BMERB1: variants seen among roughly 807,000 people sequenced by gnomAD.
The protein encoded by BMERB1 is bMERB domain containing 1, also known as bMERB domain-containing protein 1.
BMERB1 carries 12 observed loss-of-function variants against 23.6 expected under a neutral mutation model. That is an observed-to-expected ratio of 0.51 (90% confidence interval 0.33 to 0.82). BMERB1 has a LOEUF of 0.82. BMERB1 is among the 40% of genes least tolerant of loss of function. The probability of loss-of-function intolerance (pLI) is 0.03; values close to 1 mark genes in which losing one functional copy is unlikely to be tolerated. For missense variants in BMERB1, 247 were observed against 255.4 expected (o/e 0.97, Z 0.22); for synonymous variants, 122 against 96.6 (o/e 1.26, Z -1.54).
At chr16:15,453,859 G>T (rs2051062994) in intron 1 of BMERB1, among the ~76,000 whole-genome samples, 1 of 152,152 alleles carries the variant, frequency 6.6e-6, no homozygotes, top group Non-Finnish European at 1.5e-5. Flanking sequence ...GGGTGACAGA[G>T]CTAACTCTGT....
At chr16:15,515,102 A>G (rs981184701) in intron 1 of BMERB1, among the ~76,000 whole-genome samples, 2 of 152,142 alleles carry the variant, frequency 1.3e-5, no homozygotes, top group Non-Finnish European at 2.9e-5. Context: ...AAAACAAAGC[A>G]AACGAAGTAA....
chr16:15,501,567 C>G (rs2051530903), intron 1 of BMERB1, among the ~76,000 whole-genome samples: 2 of 152,168 alleles, frequency 1.3e-5, no homozygotes, highest in Non-Finnish European at 2.9e-5. Context: ...CTCCGCCTCC[C>G]CAGTTCAAGC....
At chr16:15,480,989 T>G (rs948016600) in intron 1 of BMERB1, among the ~76,000 whole-genome samples, 1 of 152,214 alleles carries the variant, frequency 6.6e-6, no homozygotes, top group East Asian at 1.9e-4. Context: ...AGAATTTCAT[T>G]AGAGCATTGT....
chr16:15,539,027 T>G (rs961130338), intron 2 of BMERB1, among the ~76,000 whole-genome samples: 5 of 152,178 alleles, frequency 3.3e-5, no homozygotes, highest in African/African-American at 4.8e-5. Flanking sequence ...TTTGAGATGA[T>G]TCAAGTGCAT....
At chr16:15,453,434 T>TGGGTG (rs910974513) in intron 1 of BMERB1, among the ~76,000 whole-genome samples, 2 of 152,108 alleles carry the variant, frequency 1.3e-5, no homozygotes, top group Admixed American at 6.5e-5. Context: ...AATAATTACC[T>TGGGTG]GGGTGTGGTG....
At chr16:15,524,525 T>C (rs1193554623) in intron 2 of BMERB1, among the ~76,000 whole-genome samples, 2 of 152,114 alleles carry the variant, frequency 1.3e-5, no homozygotes, top group East Asian at 1.9e-4. Flanking sequence ...CCCAGCACTT[T>C]GGGAGGCTGA....
chr16:15,482,544 C>A (rs2051330369), intron 1 of BMERB1, among the ~76,000 whole-genome samples: 1 of 152,048 alleles, frequency 6.6e-6, no homozygotes, highest in Non-Finnish European at 1.5e-5. Flanking sequence ...TGGTTACTTT[C>A]CATGCAGAGC....
chr16:15,438,123 G>A lies in BMERB1; in HGVS notation c.106+3364G>A, dbSNP rs187844991. ...CTTTTTTGAGATGGAGTCTCACTCTGTCCCCCAGGCTGGAGTGCAGTGGCA... is the reference window on the plus strand; with the variant it reads ...CTTTTTTGAGATGGAGTCTCACTCTATCCCCCAGGCTGGAGTGCAGTGGCA... On this transcript the variant is annotated intron_variant, in intron 1 of 5. Transcript: ENST00000300006. 1.9e-3 allele frequency among the ~76,000 whole-genome samples: 289 copies of A among 151,792 alleles called. 1 individual carries two copies. The highest frequency in any genetic ancestry group is 6.8e-3 in the African/African-American group (283 of 41,402).
chr16:15,457,490 T>A (rs2051095900), intron 1 of BMERB1, among the ~76,000 whole-genome samples: 1 of 152,188 alleles, frequency 6.6e-6, no homozygotes, highest in Non-Finnish European at 1.5e-5. Context: ...TGACCTCTGC[T>A]TAAGTCCATC....
At chr16:15,472,057 C>T (rs576730779) in intron 1 of BMERB1, among the ~76,000 whole-genome samples, 7 of 152,270 alleles carry the variant, frequency 4.6e-5, no homozygotes, top group Non-Finnish European at 1.0e-4. Context: ...TTCCAAGTGT[C>T]AGGAGATTTT....
intron 1 of BMERB1, among the ~76,000 whole-genome samples, chr16:15,463,622 T>C (rs1276963291): frequency 1.3e-5 from 2 of 152,148 alleles, no homozygotes; most frequent in African/African-American, 2.4e-5. Context: ...TCCTCTAATA[T>C]ATTTTCAGTG....
intron 2 of BMERB1, chr16:15,533,044 T>G (rs190137601): frequency 8.3e-5 from 38 of 455,728 alleles, no homozygotes; most frequent in African/African-American, 7.2e-4. Flanking sequence ...CCTCATCTGT[T>G]AAATAGCCAT....
intron 1 of BMERB1, among the ~76,000 whole-genome samples, chr16:15,466,831 C>G (rs1031947717): frequency 2.0e-5 from 3 of 152,128 alleles, no homozygotes; most frequent in African/African-American, 7.2e-5. Flanking sequence ...AAGGTTCCTC[C>G]TGCTACTTTT....
At chr16:15,556,854 G>A (rs1402605061) in intron 2 of BMERB1, among the ~76,000 whole-genome samples, 1 of 152,158 alleles carries the variant, frequency 6.6e-6, no homozygotes, top group Non-Finnish European at 1.5e-5. Flanking sequence ...AAAGTGCTGG[G>A]ATTACAGGCG....
intron 2 of BMERB1, among the ~76,000 whole-genome samples, chr16:15,529,814 T>C (rs2051949456): frequency 6.6e-6 from 1 of 152,148 alleles, no homozygotes; most frequent in African/African-American, 2.4e-5. Context: ...GGTCCATTCA[T>C]AGGAAGGAAC....
At chr16:15,505,591 T>TA (rs1051115722) in intron 1 of BMERB1, among the ~76,000 whole-genome samples, 2 of 151,912 alleles carry the variant, frequency 1.3e-5, no homozygotes, top group Non-Finnish European at 2.9e-5. Context: ...GGAGTTTGAG[T>TA]AAAAAAAGTC....
chr16:15,576,611 AATGTATTCTCTCTCGGTTCTGG>A (rs2030866523), intron 3 of BMERB1, among the ~76,000 whole-genome samples: 1 of 152,058 alleles, frequency 6.6e-6, no homozygotes, highest in Non-Finnish European at 1.5e-5. Context: ...AAGCAACAGA[AATGTATTCTCTCTCGGTTCTGG>A]ATGTATTCTC....
intron 1 of BMERB1, among the ~76,000 whole-genome samples, chr16:15,461,639 G>A (rs1355034743): frequency 3.3e-5 from 5 of 152,078 alleles, no homozygotes; most frequent in African/African-American, 1.2e-4. Flanking sequence ...AATACTAGAT[G>A]TGGCCGGATG....
chr16:15,492,532 G>A (rs1257448854), intron 1 of BMERB1, among the ~76,000 whole-genome samples: 3 of 152,158 alleles, frequency 2.0e-5, no homozygotes, highest in Non-Finnish European at 4.4e-5. Context: ...CTTTACAATG[G>A]AGAAACCTGG....
Sources: gnomAD v4.1 joint callset for allele counts (sites outside exome capture counted in the v4.1 genomes callset) on GRCh38, gnomAD v4.1.1 for gene constraint, MANE v1.5 for transcripts, NCBI Gene and HGNC (gene_info 2026-07-23, HGNC 2026-07-21) for gene names.